TLE1: variants seen among roughly 807,000 people sequenced by gnomAD.
TLE1 encodes the protein transducin-like enhancer protein 1.
TLE1 carries 21 observed loss-of-function variants against 89.8 expected under a neutral mutation model. The ratio of observed to expected loss-of-function variants is 0.23; its 90% confidence interval spans 0.17 to 0.34. The LOEUF is 0.34. Ranked by LOEUF, TLE1 falls within the 10% of genes least tolerant of loss-of-function variation. The pLI is 1.00. For synonymous variants in TLE1, 447 were observed against 407.6 expected, an observed-to-expected ratio of 1.10 and a Z score of -1.16; for missense variants, 795 against 1,031.2, an observed-to-expected ratio of 0.77 and a Z score of 3.14.
intron 4 of TLE1, among the ~76,000 whole-genome samples, chr9:81,683,238 T>A (rs1337785604): frequency 6.6e-6 from 1 of 151,828 alleles, no homozygotes; most frequent in East Asian, 1.9e-4. Flanking sequence ...TTTTTTTTTT[T>A]AGTAACAAAG....
intron 4 of TLE1, among the ~76,000 whole-genome samples, chr9:81,664,521 T>C (rs545076316): frequency 2.6e-5 from 4 of 152,250 alleles, no homozygotes; most frequent in Admixed American, 1.3e-4. Context: ...AAAATATAAT[T>C]ATGCCGATAA....
chr9:81,683,904 C>T (rs1242022656), intron 4 of TLE1, among the ~76,000 whole-genome samples: 3 of 152,098 alleles, frequency 2.0e-5, no homozygotes, highest in Non-Finnish European at 2.9e-5. Context: ...CTTCTCCCTA[C>T]ATGATAAAGA....
chr9:81,651,343 G>A (rs921572871), intron 6 of TLE1, among the ~76,000 whole-genome samples: 241 of 152,320 alleles, frequency 1.6e-3, no homozygotes, highest in Non-Finnish European at 3.2e-4. Flanking sequence ...CCTGCAGTGG[G>A]GGGCGGAGGA....
intron 8 of TLE1, among the ~76,000 whole-genome samples, chr9:81,621,138 C>G (rs1188597855): frequency 6.6e-6 from 1 of 152,142 alleles, no homozygotes; most frequent in East Asian, 1.9e-4. Context: ...AATTTAAGAT[C>G]TAAGGGGGGA....
At chr9:81,622,312 C>A (rs1451964359) in intron 8 of TLE1, among the ~76,000 whole-genome samples, 1 of 152,182 alleles carries the variant, frequency 6.6e-6, no homozygotes, top group Non-Finnish European at 1.5e-5. Flanking sequence ...CAAAATGGGG[C>A]ACAGAGGCTG....
In TLE1 at chr9:81,679,313, CT is replaced by C. The variant is rs1348277053; in HGVS notation, c.234+6362del. Among the ~76,000 whole-genome samples, 47 of 145,820 alleles carry C rather than the reference CT, an allele frequency of 3.2e-4. 1 individual carries two copies. The highest frequency in any genetic ancestry group is 6.2e-4 in the Non-Finnish European group (41 of 66,076). ...TAAAAATTTTTCTTCACTTTTTTTT[CT>C]TTTTTTTTCCCCTGTGGACCCTGCT... On this transcript the variant is annotated intron_variant, in intron 4 of 19. Coordinates refer to ENST00000376499, the MANE Select transcript of TLE1 (RefSeq NM_005077.5).
chr9:81,588,426 T>A (rs1224042332), intron 16 of TLE1, among the ~76,000 whole-genome samples: 1 of 152,024 alleles, frequency 6.6e-6, no homozygotes, highest in African/African-American at 2.4e-5. Context: ...AAATCTGGAC[T>A]CCCAGAGACA....
chr9:81,610,028 C>T (rs1016896829), intron 14 of TLE1, among the ~76,000 whole-genome samples, 192 bp downstream of exon 14: 3 of 152,192 alleles, frequency 2.0e-5, no homozygotes, highest in African/African-American at 7.2e-5. Context: ...GGAGATCACC[C>T]CCAGGGAGAA....
intron 8 of TLE1, among the ~76,000 whole-genome samples, chr9:81,624,144 T>C (rs114862116): frequency 2.6e-5 from 4 of 152,228 alleles, no homozygotes; most frequent in Non-Finnish European, 5.9e-5. Context: ...CTTAACATTC[T>C]AATGTGACAT....
intron 4 of TLE1, among the ~76,000 whole-genome samples, chr9:81,676,458 G>C (rs1026195615): frequency 1.3e-5 from 2 of 152,216 alleles, no homozygotes; most frequent in South Asian, 4.1e-4. Flanking sequence ...GAAGGAGACT[G>C]AGGAAGGCCA....
At chr9:81,639,922 T>C (rs974274843) in intron 6 of TLE1, among the ~76,000 whole-genome samples, 2 of 152,146 alleles carry the variant, frequency 1.3e-5, no homozygotes, top group African/African-American at 4.8e-5. Context: ...TGACAGTTTC[T>C]AGCAATATAG....
chr9:81,652,834 C>A (rs1437362600), intron 5 of TLE1, among the ~76,000 whole-genome samples: 4 of 152,010 alleles, frequency 2.6e-5, no homozygotes, highest in Admixed American at 2.0e-4. Flanking sequence ...AATATTAAAT[C>A]CGTTGATTGG....
rs143574563 is a variant in TLE1, at chr9:81,587,922, G to GTGTCATCCCGCC, written c.1830-95_1830-94insGGCGGGATGACA. The stretch of plus-strand genomic sequence containing the variant: ...AGTTTTGGACCGTGTGTGTGTGTGT[G>GTGTCATCCCGCC]TGTGTGTGTGTGTGTGTGTGTGTGA... On this transcript the variant is annotated intron_variant, in intron 16 of 19. Transcript: ENST00000376499. 8,675 of 1,004,998 alleles carry GTGTCATCCCGCC rather than the reference G, an allele frequency of 8.6e-3. 57 individuals carry two copies. The highest frequency in any genetic ancestry group is 0.02 in the South Asian group (1,056 of 51,744). 62.3% of individuals were successfully genotyped at this position (1,004,998 alleles called of 1,614,324 possible).
intron 8 of TLE1, among the ~76,000 whole-genome samples, chr9:81,622,100 A>C (rs1825340944): frequency 6.6e-6 from 1 of 152,242 alleles, no homozygotes. Context: ...ACAAGGCTGC[A>C]GGAGACCTAA....
At chr9:81,620,188 C>G (rs1398586237) in intron 9 of TLE1, among the ~76,000 whole-genome samples, 1 of 152,130 alleles carries the variant, frequency 6.6e-6, no homozygotes, top group Admixed American at 6.5e-5. Context: ...CCGCACAGCC[C>G]ACAAAGTCAG....
chr9:81,662,061 A>C (rs749757632), intron 4 of TLE1, among the ~76,000 whole-genome samples: 4 of 152,218 alleles, frequency 2.6e-5, no homozygotes, highest in Non-Finnish European at 5.9e-5. Context: ...AATGAAAAGC[A>C]TTCCATGCAT....
At chr9:81,643,225 GTTTGTTT>G (rs959142483) in intron 6 of TLE1, among the ~76,000 whole-genome samples, 157 of 147,628 alleles carry the variant, frequency 1.1e-3, no homozygotes, top group Non-Finnish European at 1.7e-3. Context: ...TTTGTGGTGT[GTTTGTTT>G]TTTGTTTTTT....
At chr9:81,590,680 T>C in intron 16 of TLE1, 125 bp downstream of exon 16, 3 of 1,488,472 alleles carry the variant, frequency 2.0e-6, no homozygotes, top group African/African-American at 2.8e-5. Flanking sequence ...CCTCATCACC[T>C]AGCCCCATGC....
chr9:81,603,478 C>T (rs181148070), intron 14 of TLE1, among the ~76,000 whole-genome samples: 31 of 152,210 alleles, frequency 2.0e-4, no homozygotes, highest in African/African-American at 4.6e-4. Context: ...AAATTTCCCA[C>T]GAGAAAGGTG....
Sources: allele counts gnomAD v4.1 joint callset (sites outside exome capture counted in the v4.1 genomes callset), GRCh38; gene constraint gnomAD v4.1.1; transcripts MANE v1.5; gene names NCBI Gene and HGNC (gene_info 2026-07-23, HGNC 2026-07-21).